EXOC5: variants seen among roughly 807,000 people sequenced by gnomAD.
EXOC5 encodes SEC10-like 1.
A neutral mutation model predicts 90.8 loss-of-function variants in EXOC5; 17 were observed. The observed-to-expected ratio is 0.19, with a 90% CI of 0.13 to 0.28. The LOEUF is 0.28. Ranked by LOEUF, EXOC5 falls within the 10% of genes least tolerant of loss-of-function variation. The pLI is 1.00. For missense variants in EXOC5, 569 were observed against 830.6 expected, an observed-to-expected ratio of 0.69 and a Z score of 3.87; for synonymous variants, 260 against 270.0, an observed-to-expected ratio of 0.96 and a Z score of 0.36.
chr14:57,216,452 A>G (rs1348965985), intron 15 of EXOC5, among the ~76,000 whole-genome samples: 2 of 152,118 alleles, frequency 1.3e-5, no homozygotes, highest in Non-Finnish European at 2.9e-5. Flanking sequence ...ACACAGCCCA[A>G]TGGAACAGGA....
At position 57,232,858 on chromosome 14, in the gene EXOC5, T is replaced by A. The variant is rs543493281; in HGVS notation, c.856-109A>T. 1.6e-4 allele frequency: 86 copies of A among 525,146 alleles called. 1 individual carries two copies. In the East Asian group the frequency reaches 2.6e-3, roughly 16 times the overall value. 32.5% of individuals were successfully genotyped at this position (525,146 alleles called of 1,614,324 possible). ...CTCCACAGTTTTGAACCTTTCTGAC[T>A]TACAATCCAATCAAAAAGGCAATTA... On this transcript the variant is annotated intron_variant, in intron 9 of 17. Transcript: ENST00000621441.
At position 57,219,748 on chromosome 14, in the gene EXOC5, C is replaced by T. The variant is rs186735003; in HGVS notation, c.1406-306G>A. Among the ~76,000 whole-genome samples the T allele has an allele frequency of 4.0e-4, 61 of 152,144 alleles. 1 individual carries two copies. The highest frequency in any genetic ancestry group is 2.7e-3 in the Admixed American group (41 of 15,268). ...GGCCTCTTTATCTCTGATAACAGTT[C>T]GAATAATTTTCTCATTGGTCTTCCT... On this transcript the variant is annotated intron_variant, in intron 13 of 17. Transcript: ENST00000621441.
intron 1 of EXOC5, among the ~76,000 whole-genome samples, chr14:57,262,278 C>A (rs1004032878): frequency 6.6e-6 from 1 of 152,020 alleles, no homozygotes; most frequent in Non-Finnish European, 1.5e-5. Flanking sequence ...GAAGTAGATA[C>A]CATTATTTCC....
At position 57,215,579 on chromosome 14, in the gene EXOC5, A is replaced by C. The variant is rs190680812; in HGVS notation, c.1613+2403T>G. 9.5e-4 allele frequency among the ~76,000 whole-genome samples: 143 copies of C among 150,178 alleles called. 2 individuals carry two copies. The highest frequency in any genetic ancestry group is 3.3e-3 in the African/African-American group (136 of 40,996). ...AGGATAAAAATCACATAATTGTCTG[A>C]TGATGTGAAAAAAAAAACGCTTCTG... On this transcript the variant is annotated intron_variant, in intron 15 of 17. Transcript: ENST00000621441.
intron 5 of EXOC5, among the ~76,000 whole-genome samples, chr14:57,239,151 T>C (rs1338732214): frequency 6.6e-6 from 1 of 152,164 alleles, no homozygotes; most frequent in Non-Finnish European, 1.5e-5. Context: ...TGTATCTTAA[T>C]TTCCTGAAGA....
rs1382529252 is a variant in EXOC5 at position 57,203,931 on chromosome 14, T to C, written c.*4678A>G. On this transcript the variant is annotated 3_prime_UTR_variant, in exon 18 of 18. Transcript: ENST00000621441. ...AAATATTAGTGCAAATAATTATATA[T>C]TTGTAATGCATCACTGCTGTCTAGC... The C allele has an allele frequency of 6.6e-6, 1 of 152,612 alleles. No homozygotes were observed. Among genetic ancestry groups the C allele is most frequent in the Non-Finnish European group, 1.5e-5 (1 of 68,026 alleles). 9.5% of individuals were successfully genotyped at this position (152,612 alleles called of 1,614,324 possible).
At chr14:57,250,711 G>C (rs990955616) in intron 1 of EXOC5, among the ~76,000 whole-genome samples, 2 of 152,098 alleles carry the variant, frequency 1.3e-5, no homozygotes, top group Non-Finnish European at 2.9e-5. Flanking sequence ...ACACACTTAG[G>C]GGCTGATATG....
At chr14:57,261,349 A>T (rs1377079649) in intron 1 of EXOC5, among the ~76,000 whole-genome samples, 4 of 152,250 alleles carry the variant, frequency 2.6e-5, no homozygotes, top group Admixed American at 2.6e-4. Context: ...TAGATTAATT[A>T]CACACATGTG....
intron 1 of EXOC5, among the ~76,000 whole-genome samples, chr14:57,263,600 T>C (rs985592053): frequency 6.7e-6 from 1 of 150,086 alleles, no homozygotes; most frequent in Non-Finnish European, 1.5e-5. Flanking sequence ...AGCCCATCTC[T>C]ACTAAAAATA....
chr14:57,235,975 C>G (rs1883645995), intron 6 of EXOC5, among the ~76,000 whole-genome samples, 155 bp from the exon 7 acceptor site: 1 of 152,188 alleles, frequency 6.6e-6, no homozygotes, highest in African/African-American at 2.4e-5. Flanking sequence ...AACCCAGCCC[C>G]TGTAATATAC....
At chr14:57,262,196 C>T (rs1884523156) in intron 1 of EXOC5, among the ~76,000 whole-genome samples, 1 of 152,108 alleles carries the variant, frequency 6.6e-6, no homozygotes, top group Non-Finnish European at 1.5e-5. Context: ...AAAATGGATA[C>T]TACTCTCTTA....
At chr14:57,256,133 T>C (rs924752870) in intron 1 of EXOC5, among the ~76,000 whole-genome samples, 2 of 152,132 alleles carry the variant, frequency 1.3e-5, no homozygotes, top group African/African-American at 4.8e-5. Context: ...ATTGTCTCTT[T>C]ATATCTAGGG....
At chr14:57,225,212 C>G (rs1383987852) in intron 12 of EXOC5, among the ~76,000 whole-genome samples, 1 of 152,078 alleles carries the variant, frequency 6.6e-6, no homozygotes, top group Non-Finnish European at 1.5e-5. Flanking sequence ...AAATGCAAGG[C>G]CAACATTTGA....
rs1758555700 is a variant in EXOC5 at position 57,204,805 on chromosome 14, T to TA, written c.*3803dup. 1 of 152,394 alleles carries TA rather than the reference T, an allele frequency of 6.6e-6. No homozygotes were observed. Among genetic ancestry groups the TA allele is most frequent in the South Asian group, 2.1e-4 (1 of 4,834 alleles). The allele number at this position is 152,394 out of a possible 1,614,324, so 9.4% of individuals were successfully genotyped here. A position where few individuals can be genotyped will look rare whatever the true frequency, so the allele number is the denominator to read the frequency against. On this transcript the variant is annotated 3_prime_UTR_variant, in exon 18 of 18. Coordinates refer to ENST00000621441, the MANE Select transcript of EXOC5 (RefSeq NM_006544.4). ...AAGTATGACCATACATTGAACATATTAAGAAAAACACAACAGTAAATTAGA... is the reference window on the plus strand; with the variant it reads ...AAGTATGACCATACATTGAACATATTAAAGAAAAACACAACAGTAAATTAGA...
At chr14:57,266,758 G>A (rs967125311) in intron 1 of EXOC5, among the ~76,000 whole-genome samples, 8 of 146,468 alleles carry the variant, frequency 5.5e-5, no homozygotes, top group Admixed American at 1.4e-4. Context: ...TATATAAAAC[G>A]TATATATATA....
In EXOC5 at chr14:57,235,656, C is replaced by T. The variant is rs147395933; in HGVS notation, c.669+55G>A. ...AAATCAGAGACTATAATATATAGAACTTACGTAATTTCCATAGCCTTGAAC... is the reference window on the plus strand; with the variant it reads ...AAATCAGAGACTATAATATATAGAATTTACGTAATTTCCATAGCCTTGAAC... On this transcript the variant is annotated intron_variant, in intron 7 of 17. Coordinates refer to ENST00000621441, the MANE Select transcript of EXOC5 (RefSeq NM_006544.4). 70 of 880,572 alleles carry T rather than the reference C, an allele frequency of 7.9e-5. No homozygotes were observed. The Middle Eastern group carries it at 2.3e-3, about 29-fold the overall frequency. The allele number at this position is 880,572 out of a possible 1,614,324, so 54.5% of individuals were successfully genotyped here.
At chr14:57,228,397 A>T (rs1438384096) in intron 12 of EXOC5, among the ~76,000 whole-genome samples, 4 of 152,214 alleles carry the variant, frequency 2.6e-5, no homozygotes, top group Non-Finnish European at 1.5e-5. Flanking sequence ...ATTAAGACAC[A>T]TGCACACGTA....
intron 1 of EXOC5, among the ~76,000 whole-genome samples, chr14:57,249,300 C>T (rs138575248): frequency 1.3e-5 from 2 of 152,126 alleles, no homozygotes; most frequent in Admixed American, 1.3e-4. Flanking sequence ...TAATCATATC[C>T]CTTTCCCTAT....
At chr14:57,229,015 G>C (rs1377299966) in intron 12 of EXOC5, among the ~76,000 whole-genome samples, 4 of 151,668 alleles carry the variant, frequency 2.6e-5, no homozygotes, top group Non-Finnish European at 5.9e-5. Context: ...TATTAGAGAG[G>C]AAAATCTAAG....
Sources: allele counts gnomAD v4.1 joint callset (sites outside exome capture counted in the v4.1 genomes callset), GRCh38; gene constraint gnomAD v4.1.1; transcripts MANE v1.5; gene names NCBI Gene and HGNC (gene_info 2026-07-23, HGNC 2026-07-21).